Variants in CERS6 observed in about 807,000 individuals in gnomAD.
CERS6 encodes LAG1 homolog, ceramide synthase 6.
A neutral mutation model predicts 56.8 loss-of-function variants in CERS6; 26 were observed. The observed-to-expected ratio is 0.46, with a 90% CI of 0.34 to 0.63. CERS6 has a LOEUF of 0.63. Ranked by LOEUF, CERS6 falls within the 30% of genes least tolerant of loss-of-function variation. The pLI, the probability that CERS6 is intolerant of heterozygous loss-of-function variation, is 0.01. For synonymous variants in CERS6, 164 were observed against 173.3 expected (o/e 0.95, Z 0.42); for missense variants, 415 against 467.5 (o/e 0.89, Z 1.04).
intron 1 of CERS6, among the ~76,000 whole-genome samples, chr2:168,530,420 T>C (rs1279946598): frequency 6.6e-6 from 1 of 152,238 alleles, no homozygotes; most frequent in African/African-American, 2.4e-5. Context: ...TGTGCAAATA[T>C]TGGCTAACAT....
intron 4 of CERS6, among the ~76,000 whole-genome samples, chr2:168,666,988 A>G (rs1293429236): frequency 6.6e-6 from 1 of 152,236 alleles, no homozygotes; most frequent in African/African-American, 2.4e-5. Context: ...ATCTACATAC[A>G]TTTGATAATC....
At chr2:168,763,216 A>G (rs992334289) in intron 8 of CERS6, among the ~76,000 whole-genome samples, 2 of 147,226 alleles carry the variant, frequency 1.4e-5, no homozygotes, top group Non-Finnish European at 3.0e-5. Flanking sequence ...TCCAGCTGCA[A>G]TAATTGTTTC....
chr2:168,704,915 C>T (rs1686901173), intron 6 of CERS6, among the ~76,000 whole-genome samples: 2 of 152,222 alleles, frequency 1.3e-5, no homozygotes, highest in African/African-American at 2.4e-5. Context: ...TGTTCTTGAT[C>T]CCCATCTCTT....
At chr2:168,627,173 A>T (rs1684609401) in intron 3 of CERS6, among the ~76,000 whole-genome samples, 1 of 152,140 alleles carries the variant, frequency 6.6e-6, no homozygotes, top group African/African-American at 2.4e-5. Flanking sequence ...CCTCGTTTTC[A>T]TTAATCTAAG....
At chr2:168,565,159 G>A (rs1035872298) in intron 3 of CERS6, among the ~76,000 whole-genome samples, 63 of 152,220 alleles carry the variant, frequency 4.1e-4, no homozygotes, top group African/African-American at 1.5e-3. Flanking sequence ...AGAGAACACC[G>A]TGAGGGATAA....
chr2:168,541,850 T>G (rs577857978), intron 1 of CERS6, among the ~76,000 whole-genome samples: 28 of 152,362 alleles, frequency 1.8e-4, no homozygotes, highest in African/African-American at 6.7e-4. Context: ...TAGGGTTTGC[T>G]TCTTTGGCAT....
intron 4 of CERS6, among the ~76,000 whole-genome samples, chr2:168,678,900 A>G (rs530244892): frequency 4.6e-5 from 7 of 152,336 alleles, no homozygotes; most frequent in African/African-American, 1.4e-4. Context: ...TATTGCAGCA[A>G]CATTCAAAAT....
intron 4 of CERS6, among the ~76,000 whole-genome samples, chr2:168,650,246 C>A (rs147663436): frequency 9.5e-4 from 145 of 152,216 alleles, no homozygotes; most frequent in African/African-American, 3.4e-3. Context: ...TGCTTTCTTG[C>A]AGACACTGGA....
intron 3 of CERS6, among the ~76,000 whole-genome samples, chr2:168,564,401 A>G (rs1695847450): frequency 6.6e-6 from 1 of 151,766 alleles, no homozygotes; most frequent in South Asian, 2.1e-4. Flanking sequence ...ATGTCTCCTT[A>G]TTTTTTTTAT....
chr2:168,619,246 C>G (rs1684402649), intron 3 of CERS6, among the ~76,000 whole-genome samples: 1 of 152,132 alleles, frequency 6.6e-6, no homozygotes, highest in Non-Finnish European at 1.5e-5. Flanking sequence ...AGACCTGAAA[C>G]TTAAAAATTC....
chr2:168,634,798 T>C (rs1178882294), intron 4 of CERS6, among the ~76,000 whole-genome samples: 2 of 152,212 alleles, frequency 1.3e-5, no homozygotes, highest in African/African-American at 4.8e-5. Flanking sequence ...CTATGTCTAA[T>C]TTCAATATCA....
chr2:168,666,092 T>C (rs1685754776), intron 4 of CERS6, among the ~76,000 whole-genome samples: 1 of 152,036 alleles, frequency 6.6e-6, no homozygotes, highest in Non-Finnish European at 1.5e-5. Context: ...TCCCCAGTTT[T>C]CCCTTTTATT....
At chr2:168,546,389 A>G (rs1313338087) in intron 1 of CERS6, among the ~76,000 whole-genome samples, 2 of 152,180 alleles carry the variant, frequency 1.3e-5, no homozygotes, top group South Asian at 2.1e-4. Context: ...TGTACCAGGT[A>G]TTACGGTGCA....
At chr2:168,596,732 T>C (rs1683808915) in intron 3 of CERS6, among the ~76,000 whole-genome samples, 1 of 152,032 alleles carries the variant, frequency 6.6e-6, no homozygotes, top group Non-Finnish European at 1.5e-5. Context: ...TTGTTGGTGT[T>C]TTTAATAGAG....
chr2:168,556,360 A>T (rs1176079955), intron 2 of CERS6, among the ~76,000 whole-genome samples: 3 of 152,176 alleles, frequency 2.0e-5, no homozygotes, highest in Non-Finnish European at 4.4e-5. Flanking sequence ...TTATTAGTAG[A>T]TCTAACGAGA....
intron 3 of CERS6, among the ~76,000 whole-genome samples, chr2:168,615,033 C>T (rs1308032495): frequency 6.6e-6 from 1 of 152,182 alleles, no homozygotes; most frequent in Non-Finnish European, 1.5e-5. Context: ...AGATGGTTCA[C>T]ATCACAGGAC....
At chr2:168,506,801 ATATTATTAAATGTTCGTGGC>A (rs1694686212) in intron 1 of CERS6, among the ~76,000 whole-genome samples, 1 of 152,212 alleles carries the variant, frequency 6.6e-6, no homozygotes, top group Non-Finnish European at 1.5e-5. Flanking sequence ...CTAACTTTCC[ATATTATTAAATGTTCGTGGC>A]TTAAAAAATT....
chr2:168,716,575 T>A (rs1364986184), intron 7 of CERS6, among the ~76,000 whole-genome samples: 1 of 152,190 alleles, frequency 6.6e-6, no homozygotes, highest in Non-Finnish European at 1.5e-5. Flanking sequence ...GAGTATTCAA[T>A]TAATGAGATA....
intron 1 of CERS6, among the ~76,000 whole-genome samples, chr2:168,535,848 A>G (rs1258754696): frequency 6.6e-6 from 1 of 151,500 alleles, no homozygotes; most frequent in African/African-American, 2.4e-5. Context: ...TTCACATTAT[A>G]AAACTCAGCC....
Sources: gnomAD v4.1 joint callset for allele counts (sites outside exome capture counted in the v4.1 genomes callset) on GRCh38, gnomAD v4.1.1 for gene constraint, MANE v1.5 for transcripts, NCBI Gene and HGNC (gene_info 2026-07-23, HGNC 2026-07-21) for gene names.